Variants in COL7A1 observed in about 807,000 individuals in gnomAD.
The protein encoded by COL7A1 is collagen alpha-1(VII) chain.
In COL7A1, 296 loss-of-function variants were observed where a neutral mutation model predicts 456.2. The observed-to-expected ratio is 0.65, with a 90% CI of 0.59 to 0.71. COL7A1 has a LOEUF of 0.71. COL7A1 is among the 30% of genes least tolerant of loss of function. The pLI, the probability that COL7A1 is intolerant of heterozygous loss-of-function variation, is 0.00. For synonymous variants in COL7A1, 1,464 were observed against 1,525.9 expected (o/e 0.96, Z 0.95); for missense variants, 3,441 against 4,017.2 (o/e 0.86, Z 3.88).
chr3:48,569,782 G>A lies in COL7A1; in HGVS notation c.7522-22C>T. On this transcript the variant is annotated intron_variant, in intron 100 of 118. Coordinates refer to ENST00000681320, the MANE Select transcript of COL7A1 (RefSeq NM_000094.4). This position sits in a 1 kb window ranked among gnomAD's most constrained non-coding sequence, Gnocchi z 4.9. ...CACCCTATTGGGCAAAAGAGTGTGAGTCCCGCCCAAACTGGGGAGGCCCCG... is the reference window on the plus strand; with the variant it reads ...CACCCTATTGGGCAAAAGAGTGTGAATCCCGCCCAAACTGGGGAGGCCCCG... 1 of 1,614,102 alleles carries A rather than the reference G, an allele frequency of 6.2e-7. No individual in the cohort carries two copies. The highest frequency in any genetic ancestry group is 8.5e-7 in the Non-Finnish European group (1 of 1,180,002).
intron 44 of COL7A1, 95 bp from the exon 45 acceptor site, chr3:48,582,748 C>G: frequency 7.2e-7 from 1 of 1,385,020 alleles, no homozygotes; most frequent in Admixed American, 1.8e-5. Context: ...GGAGAGGGGT[C>G]AGGGAAGATT....
At position 48,568,713 on chromosome 3, in the gene COL7A1, C is replaced by T. The variant is rs2107639297; in HGVS notation, c.7758+71G>A. On this transcript the variant is annotated intron_variant, in intron 104 of 118. Coordinates refer to ENST00000681320, the MANE Select transcript of COL7A1 (RefSeq NM_000094.4). This position sits in a 1 kb window ranked among gnomAD's most constrained non-coding sequence, Gnocchi z 5.2. ...CAGAACCCCCAGCACTTAAGAGGAC[C>T]CCCAGGATATGTGTGTGTGTGATGC... 2 of 1,516,670 alleles carry T rather than the reference C, an allele frequency of 1.3e-6. No homozygotes were observed. The highest frequency in any genetic ancestry group is 1.8e-6 in the Non-Finnish European group (2 of 1,116,568). The allele number at this position is 1,516,670 out of a possible 1,614,324, so 94.0% of individuals were successfully genotyped here.
chr3:48,564,876 A>G lies in COL7A1; in HGVS notation c.8725T>C (p.Tyr2909His). The change falls in exon 118 of 119, where the codon TAT becomes CAT. Residue 2909 changes from tyrosine to histidine, a missense_variant. Tyr to His is a moderately conservative substitution (Grantham distance 83). Transcript: ENST00000681320. This position sits in a 1 kb window ranked among gnomAD's most constrained non-coding sequence, Gnocchi z 6.0. ...GSTEACHPFV[Y>H]GGCGGNANRF... ...TTGGCATTCCCTCCACAGCCACCAT[A>G]GACAAAAGGGTGACAGGCCTCTGTG... 6.2e-7 allele frequency: 1 copy of G among 1,614,084 alleles called. No homozygotes were observed. Among genetic ancestry groups the G allele is most frequent in the East Asian group, 2.2e-5 (1 of 44,852 alleles).
chr3:48,588,320 G>A lies in COL7A1; in HGVS notation c.2672C>T (p.Pro891Leu), dbSNP rs752531272. The A allele has an allele frequency of 2.5e-6, 4 of 1,612,882 alleles. No individual in the cohort carries two copies. Among genetic ancestry groups the A allele is most frequent in the Non-Finnish European group, 3.4e-6 (4 of 1,179,984 alleles). The change falls in exon 21 of 119, where the codon CCC (proline) becomes CTC (leucine). Residue 891 changes from proline to leucine, a missense_variant. Pro to Leu is a moderately conservative substitution (Grantham distance 98). Coordinates refer to ENST00000681320, the MANE Select transcript of COL7A1 (RefSeq NM_000094.4). This position sits in a 1 kb window ranked among gnomAD's most constrained non-coding sequence, Gnocchi z 4.6. ...HSLRLRWEPV[P>L]RAQGFLLHWQ... Reference sequence around the variant, plus strand: ...GTGCAGAAGGAAGCCCTGCGCTCTGGGCACCGGCTCCCAGCGCAGCCTCAG... The same window carrying A: ...GTGCAGAAGGAAGCCCTGCGCTCTGAGCACCGGCTCCCAGCGCAGCCTCAG...
rs779218186 is a variant in COL7A1 at position 48,571,110 on chromosome 3, T to C, written c.7155A>G (p.Pro2385=). ...VPGSPGPPGP[P]GVKGDLGLPG... is the part of the protein sequence containing the mutation. Reference sequence around the variant, plus strand: ...TGGGGCATTGACTTACCTTCACACCTGGAGGGCCAGGAGGCCCAGGGGAGC... The same window carrying C: ...TGGGGCATTGACTTACCTTCACACCCGGAGGGCCAGGAGGCCCAGGGGAGC... The change falls in exon 94 of 119, where the codon CCA becomes CCG. Residue 2385 remains proline (P), a synonymous_variant. Transcript: ENST00000681320. The surrounding 1 kb of genome is among the most constrained non-coding windows in gnomAD (Gnocchi z 4.6). 2.5e-6 allele frequency: 4 copies of C among 1,613,744 alleles called. No homozygotes were observed. In the South Asian group the frequency reaches 4.4e-5, roughly 18 times the overall value.
Position 48,581,831 on chromosome 3 carries a change from C to T in COL7A1, c.4669-72G>A. On this transcript the variant is annotated intron_variant, in intron 48 of 118. Transcript: ENST00000681320. This position sits in a 1 kb window ranked among gnomAD's most constrained non-coding sequence, Gnocchi z 5.8. ...CCCCCTGACCCAGCAAGTCCTGTGACCCCCCAAGTCCCATAGATAGGCCCT... is the reference window on the plus strand; with the variant it reads ...CCCCCTGACCCAGCAAGTCCTGTGATCCCCCAAGTCCCATAGATAGGCCCT... 1.2e-6 allele frequency: 2 copies of T among 1,612,724 alleles called. No homozygotes were observed. The highest frequency in any genetic ancestry group is 1.1e-5 in the South Asian group (1 of 91,048).
rs113041019 is a variant in COL7A1, at chr3:48,587,211, C to T, written c.3118G>A (p.Ala1040Thr). Residue 1040 changes from alanine (A) to threonine (T), a missense_variant, in exon 24 of 119, where the codon GCA (alanine) becomes ACA (threonine). Coordinates refer to ENST00000681320, the MANE Select transcript of COL7A1 (RefSeq NM_000094.4). This position sits in a 1 kb window ranked among gnomAD's most constrained non-coding sequence, Gnocchi z 6.1. The part of the protein sequence containing the change: ...PVLDGVRGPE[A>T]SVTQTPVCPR... The stretch of plus-strand genomic sequence containing the variant: ...ATACCTGGCGTCTGTGTGACAGATG[C>T]CTCAGGACCCCGCACACCATCCAGG... 28 of 1,613,574 alleles carry T rather than the reference C, an allele frequency of 1.7e-5. 1 individual carries two copies. The African/African-American group carries it at 2.1e-4, about 12-fold the overall frequency.
chr3:48,565,363 T>C lies in COL7A1; in HGVS notation c.8527+47A>G. ...CTGCATTCATGGACACCCATGTGCG[T>C]GTCTCGGCCCCACCCATAGCTGCCC... On this transcript the variant is annotated intron_variant, in intron 116 of 118. Transcript: ENST00000681320. The surrounding 1 kb of genome is among the most constrained non-coding windows in gnomAD (Gnocchi z 4.5). The C allele has an allele frequency of 6.4e-7, 1 of 1,566,054 alleles. No homozygotes were observed. The highest frequency in any genetic ancestry group is 8.7e-7 in the Non-Finnish European group (1 of 1,152,782).
Position 48,575,728 on chromosome 3 carries a change from G to A in COL7A1, c.5877C>T (p.Ile1959=), listed in dbSNP as rs779298653. The change falls in exon 73 of 119, where the codon ATC becomes ATT. Residue 1959 remains isoleucine (I), a synonymous_variant. Coordinates refer to ENST00000681320, the MANE Select transcript of COL7A1 (RefSeq NM_000094.4). This position sits in a 1 kb window ranked among gnomAD's most constrained non-coding sequence, Gnocchi z 6.3. ...CAGAGCTCTCATCCCAGGTCTCCAC[G>A]ATCTCCCGCAGGGCAGATGCCTGAG... ...AGIKASALRE[I]VETWDESSGS... 3.0e-5 allele frequency: 48 copies of A among 1,613,812 alleles called. No homozygotes were observed. Among genetic ancestry groups the A allele is most frequent in the African/African-American group, 1.1e-4 (8 of 74,922 alleles).
chr3:48,571,881 T>G lies in COL7A1; in HGVS notation c.7068+120A>C, dbSNP rs965581230. On this transcript the variant is annotated intron_variant, in intron 92 of 118. Transcript: ENST00000681320. This position sits in a 1 kb window ranked among gnomAD's most constrained non-coding sequence, Gnocchi z 4.6. ...GTGATCCAGAGAGCAGGCTCCTGGA[T>G]GTTGGGACATGCAGCCCGACTCAGG... The G allele has an allele frequency of 1.9e-5, 23 of 1,214,886 alleles. No homozygotes were observed. The African/African-American group carries it at 2.7e-4, about 14-fold the overall frequency. 75.3% of individuals were successfully genotyped at this position (1,214,886 alleles called of 1,614,324 possible).
In COL7A1 at chr3:48,570,387, A is replaced by G. The variant is rs2043833132; in HGVS notation, c.7381-53T>C. ...AGTGAGGGGAATCAGTGGGGGACGC[A>G]GGGTCATGGGAGGTCAGTGGAGGCT... On this transcript the variant is annotated intron_variant, in intron 97 of 118. Transcript: ENST00000681320. This position sits in a 1 kb window ranked among gnomAD's most constrained non-coding sequence, Gnocchi z 5.5. 2 of 1,613,834 alleles carry G rather than the reference A, an allele frequency of 1.2e-6. No individual in the cohort carries two copies. The highest frequency in any genetic ancestry group is 1.7e-5 in the Admixed American group (1 of 60,002).
chr3:48,580,660 G>A lies in COL7A1; in HGVS notation c.4981-8C>T. ...CCGAACTCCAGGTGCCCCCTAAGAA[G>A]AGCAGCTGGCCTGAGACAGACCCTC... On this transcript the variant is annotated splice_region_variant and splice_polypyrimidine_tract_variant and intron_variant, in intron 54 of 118. Transcript: ENST00000681320. The surrounding 1 kb of genome is among the most constrained non-coding windows in gnomAD (Gnocchi z 4.5). 1 of 1,613,672 alleles carries A rather than the reference G, an allele frequency of 6.2e-7. No individual in the cohort carries two copies.
chr3:48,584,234 G>C, intron 37 of COL7A1, 64 bp downstream of exon 37: 1 of 1,542,868 alleles, frequency 6.5e-7, no homozygotes, highest in South Asian at 1.2e-5. Flanking sequence ...AACTGGCAGG[G>C]GTTATGTGGG....
chr3:48,566,290 C>A lies in COL7A1; in HGVS notation c.8384G>T (p.Arg2795Leu), dbSNP rs138263686. ...LTEDDIRGFVRQEMSQHCACQ... is the reference protein window; with the variant it reads ...LTEDDIRGFVLQEMSQHCACQ... ...ACCACAGTGCTGACTCATCTCTTGG[C>A]GCACAAAGCCCCGGATGTCATCCTC... Residue 2795 changes from arginine to leucine, a missense_variant, in exon 114 of 119, where the codon CGC becomes CTC. Coordinates refer to ENST00000681320, the MANE Select transcript of COL7A1 (RefSeq NM_000094.4). The surrounding 1 kb of genome is among the most constrained non-coding windows in gnomAD (Gnocchi z 5.9). 1.2e-6 allele frequency: 2 copies of A among 1,603,102 alleles called. No individual in the cohort carries two copies. Among genetic ancestry groups the A allele is most frequent in the East Asian group, 2.2e-5 (1 of 44,464 alleles).
Position 48,586,074 on chromosome 3 carries a change from CT to C in COL7A1, c.3722del (p.Gln1241ArgfsTer24). On this transcript the variant is annotated frameshift_variant and splice_region_variant, in exon 28 of 119. Coordinates refer to ENST00000681320, the MANE Select transcript of COL7A1 (RefSeq NM_000094.4). LOFTEE classifies it high-confidence loss of function. This position sits in a 1 kb window ranked among gnomAD's most constrained non-coding sequence, Gnocchi z 5.1. ...AGTCCCCCAGAGGCCTCTTCCAAAC[CT>C]GAGTAGTGAAGGATGCCTGACACAG... ...TALCQASFTT[Q>X]PRPEPCPVYC... The C allele has an allele frequency of 6.2e-7, 1 of 1,613,616 alleles. No individual in the cohort carries two copies. Among genetic ancestry groups the C allele is most frequent in the Non-Finnish European group, 8.5e-7 (1 of 1,180,034 alleles).
Position 48,586,336 on chromosome 3 carries a change from A to C in COL7A1, c.3546T>G (p.Ala1182=), listed in dbSNP as rs751956535. 6.2e-7 allele frequency: 1 copy of C among 1,613,860 alleles called. No individual in the cohort carries two copies. The highest frequency in any genetic ancestry group is 1.1e-5 in the South Asian group (1 of 91,084). Residue 1182 remains alanine, a synonymous_variant, in exon 27 of 119, where the codon GCT becomes GCG. Coordinates refer to ENST00000681320, the MANE Select transcript of COL7A1 (RefSeq NM_000094.4). The surrounding 1 kb of genome is among the most constrained non-coding windows in gnomAD (Gnocchi z 5.1). ...DIFSPIREAQ[A]SGLNVVMLGM... ...CCCCATCAGCCTACTCCTTACCAGA[A>C]GCCTGGGCCTCACGGATGGGGCTGA...
chr3:48,595,099 C>A lies in COL7A1; in HGVS notation c.61G>T (p.Val21Leu). The change falls in exon 2 of 119, where the codon GTG becomes TTG. Residue 21 changes from valine (V) to leucine (L), a missense_variant. Physicochemically the swap from Val to Leu is conservative, Grantham distance 32. Around this residue, in one of 3 missense-constraint regions of COL7A1, gnomAD observed 913 missense variants for 1,088.2 expected, o/e 0.84. Transcript: ENST00000681320. ...CAGILAEAPR[V>L]RAQHRERVTC... ...CCTCTCTCCCTGTGCTGGGCTCGCA[C>A]TCGGGGCGCCTCTGCCAGGATCCCG... 1 of 1,552,984 alleles carries A rather than the reference C, an allele frequency of 6.4e-7. No individual in the cohort carries two copies. The highest frequency in any genetic ancestry group is 8.7e-7 in the Non-Finnish European group (1 of 1,148,462).
chr3:48,588,377 GT>G lies in COL7A1; in HGVS notation c.2614del (p.Thr872ArgfsTer12). ...TPPEAPPALGTLHVVQRGEHS... is the reference protein window; with the variant it reads ...TPPEAPPALGXLHVVQRGEHS... ...CTCCCCGCGCTGCACCACGTGAAGC[GT>G]CCCCAGGGCTGGCGGAGCCTCAGGC... On this transcript the variant is annotated frameshift_variant, in exon 21 of 119. Coordinates refer to ENST00000681320, the MANE Select transcript of COL7A1 (RefSeq NM_000094.4). LOFTEE classifies it high-confidence loss of function. This position sits in a 1 kb window ranked among gnomAD's most constrained non-coding sequence, Gnocchi z 4.6. 1 of 1,611,704 alleles carries G rather than the reference GT, an allele frequency of 6.2e-7. No individual in the cohort carries two copies. The highest frequency in any genetic ancestry group is 8.5e-7 in the Non-Finnish European group (1 of 1,179,858).
In COL7A1 at chr3:48,574,586, C is replaced by G. The variant is rs1218907546; in HGVS notation, c.6394-36G>C. On this transcript the variant is annotated intron_variant, in intron 78 of 118. Transcript: ENST00000681320. The surrounding 1 kb of genome is among the most constrained non-coding windows in gnomAD (Gnocchi z 5.0). ...AGTGTCGTGCCCTGAGCCCCCAGTC[C>G]CTGCCACGTGCCCAGGTGCATATGC... 9.9e-6 allele frequency: 16 copies of G among 1,613,768 alleles called. No homozygotes were observed. The highest frequency in any genetic ancestry group is 1.3e-5 in the African/African-American group (1 of 74,920).
Sources: allele counts gnomAD v4.1 joint callset, GRCh38; gene constraint gnomAD v4.1.1; regional missense constraint gnomAD v4.1.1; non-coding constraint Gnocchi (gnomAD v3.1); transcripts MANE v1.5; gene names NCBI Gene and HGNC (gene_info 2026-07-23, HGNC 2026-07-21).